The following ZNF662 variants were observed in gnomAD, a reference collection of about 807,000 sequenced individuals.
The protein encoded by ZNF662 is zinc finger protein 662.
In ZNF662, 14 loss-of-function variants were observed where a neutral mutation model predicts 12.4. The observed-to-expected ratio is 1.13, with a 90% CI of 0.75 to 1.77. The LOEUF (loss-of-function observed/expected upper bound fraction) is 1.77. ZNF662 is among the 40% of genes most tolerant of loss of function. The pLI is 0.00. For synonymous variants in ZNF662, 184 were observed against 176.4 expected (o/e 1.04, Z -0.34); for missense variants, 550 against 515.6 (o/e 1.07, Z -0.65).
chr3:42,915,544 CATTTAG>C lies in ZNF662; in HGVS notation c.*191_*196del. 6 of 561,790 alleles carry C rather than the reference CATTTAG, an allele frequency of 1.1e-5. No individual in the cohort carries two copies. In the South Asian group the frequency reaches 1.8e-4, roughly 17 times the overall value. The allele number at this position is 561,790 out of a possible 1,614,324, so 34.8% of individuals were successfully genotyped here. A position where few individuals can be genotyped will look rare whatever the true frequency, so the allele number is the denominator to read the frequency against. On this transcript the variant is annotated 3_prime_UTR_variant, in exon 5 of 5. Transcript: ENST00000440367. ...GTTCTATGATGTTTTAACAAGGCAT[CATTTAG>C]TTGGGCAGCTACTCTGTATCAGGTG... is the stretch of plus-strand genomic sequence containing the variant.
At position 42,919,209 on chromosome 3, in the gene ZNF662, G is replaced by A. The variant is rs752523354; in HGVS notation, c.*3855G>A. 6.6e-5 allele frequency among the ~76,000 whole-genome samples: 10 copies of A among 152,136 alleles called. No homozygotes were observed. The highest frequency in any genetic ancestry group is 9.7e-5 in the African/African-American group (4 of 41,424). ...ATGTGGGCAAAAACTTAAAAACAAC[G>A]AATGAGTCTAAAATCTAATGACAAA... On this transcript the variant is annotated 3_prime_UTR_variant, in exon 5 of 5. Coordinates refer to ENST00000440367, the MANE Select transcript of ZNF662 (RefSeq NM_207404.4).
At chr3:42,908,626 T>C (rs1456392102) in intron 2 of ZNF662, 167 bp from the exon 3 acceptor site, 1 of 1,456,362 alleles carries the variant, frequency 6.9e-7, no homozygotes, top group Non-Finnish European at 9.0e-7. Flanking sequence ...CCTTTGTAAG[T>C]CTCCTGGCCC....
In ZNF662 at chr3:42,917,483, G is replaced by A; in HGVS notation, c.*2129G>A. On this transcript the variant is annotated 3_prime_UTR_variant, in exon 5 of 5. Coordinates refer to ENST00000440367, the MANE Select transcript of ZNF662 (RefSeq NM_207404.4). ...TCAAGCTTCCAGGTGCTACCATATGGAGCCTAAGGATAAAGCCAATACCAA... is the reference window on the plus strand; with the variant it reads ...TCAAGCTTCCAGGTGCTACCATATGAAGCCTAAGGATAAAGCCAATACCAA... 5.7e-6 allele frequency: 4 copies of A among 699,972 alleles called. No individual in the cohort carries two copies. In the East Asian group the frequency reaches 8.1e-5, roughly 14 times the overall value. The allele number at this position is 699,972 out of a possible 1,614,324, so 43.4% of individuals were successfully genotyped here.
chr3:42,914,539 G>T lies in ZNF662; in HGVS notation c.466G>T (p.Glu156Ter). 1 of 1,614,128 alleles carries T rather than the reference G, an allele frequency of 6.2e-7. No homozygotes were observed. Among genetic ancestry groups the T allele is most frequent in the Non-Finnish European group, 8.5e-7 (1 of 1,180,018 alleles). The change falls in exon 5 of 5, where the codon GAA (glutamate) becomes TAA (stop). Residue 156 changes from glutamate (E) to a stop codon, truncating the protein, a stop_gained. Transcript: ENST00000440367. LOFTEE classifies it low-confidence loss of function (END_TRUNC). ...GGAAAGTTCTACAAATGATATTATA[G>T]AAGTGATTGTCAAGGATGAGATGAT... ...RMESSTNDIIEVIVKDEMISV... is the reference protein window; with the variant it reads ...RMESSTNDII
At chr3:42,910,332 G>A (rs190197590) in intron 3 of ZNF662, among the ~76,000 whole-genome samples, 42 of 152,294 alleles carry the variant, frequency 2.8e-4, no homozygotes, top group African/African-American at 9.6e-4. Context: ...GGCTTTAGAG[G>A]GAGACCGTGC....
intron 3 of ZNF662, among the ~76,000 whole-genome samples, chr3:42,912,410 AT>A (rs2088811805): frequency 1.0e-5 from 1 of 98,740 alleles, no homozygotes; most frequent in South Asian, 2.9e-4. Context: ...TATATTATAT[AT>A]TATATATATT....
Position 42,919,286 on chromosome 3 carries a change from T to C in ZNF662, c.*3932T>C, listed in dbSNP as rs186402787. ...CTCCAGTTCTCATTTTTGTTAAAAA[T>C]AAATCATGATAGGACTGAGTTGTTT... On this transcript the variant is annotated 3_prime_UTR_variant, in exon 5 of 5. Transcript: ENST00000440367. Among the ~76,000 whole-genome samples the C allele has an allele frequency of 1.3e-5, 2 of 152,220 alleles. No homozygotes were observed. Among genetic ancestry groups the C allele is most frequent in the African/African-American group, 4.8e-5 (2 of 41,456 alleles).
chr3:42,908,880 A>T lies in ZNF662; in HGVS notation c.122A>T (p.Asp41Val), dbSNP rs752754486. The part of the protein sequence containing the change: ...PWCSVPRGAL[D>V]GEAPRGISSG... ...TGCTCGGTTCCTCGGGGAGCTCTGG[A>T]TGGAGAGGCCCCAAGGGGCATCTCC... Residue 41 changes from aspartate (D) to valine (V), a missense_variant, in exon 3 of 5, where the codon GAT becomes GTT. Asp to Val is a radical substitution (Grantham distance 152). Coordinates refer to ENST00000440367, the MANE Select transcript of ZNF662 (RefSeq NM_207404.4). 5 of 1,613,394 alleles carry T rather than the reference A, an allele frequency of 3.1e-6. No individual in the cohort carries two copies. In the East Asian group the frequency reaches 1.1e-4, roughly 36 times the overall value.
intron 3 of ZNF662, among the ~76,000 whole-genome samples, chr3:42,910,958 A>G (rs2088779358): frequency 6.6e-6 from 1 of 152,178 alleles, no homozygotes; most frequent in Admixed American, 6.5e-5. Flanking sequence ...TTTGATCAGA[A>G]CTACATTCTC....
At position 42,917,429 on chromosome 3, in the gene ZNF662, C is replaced by CTT; in HGVS notation, c.*2083_*2084dup. On this transcript the variant is annotated 3_prime_UTR_variant, in exon 5 of 5. Transcript: ENST00000440367. ...AATGTGAGACCTAGAATTATAGCAA[C>CTT]TTTTTTTTTCTGTTAAAAGGGGAGA... 1.5e-6 allele frequency: 1 copy of CTT among 667,242 alleles called. No homozygotes were observed. The highest frequency in any genetic ancestry group is 2.7e-6 in the Non-Finnish European group (1 of 372,450). The allele number at this position is 667,242 out of a possible 1,614,324, so 41.3% of individuals were successfully genotyped here. A position where few individuals can be genotyped will look rare whatever the true frequency, so the allele number is the denominator to read the frequency against.
rs377231571 is a variant in ZNF662 at position 42,912,693 on chromosome 3, A to ATAT, written c.152-507_152-506insATT. On this transcript the variant is annotated intron_variant, in intron 3 of 4. Coordinates refer to ENST00000440367, the MANE Select transcript of ZNF662 (RefSeq NM_207404.4). ...TTTTTATATATATAAATATATATAT[A>ATAT]TTTTATATATATAAATATATATATA... Among the ~76,000 whole-genome samples the ATAT allele has an allele frequency of 2.6e-4, 14 of 53,100 alleles. 1 individual carries two copies. Among genetic ancestry groups the ATAT allele is most frequent in the Admixed American group, 4.1e-4 (1 of 2,418 alleles). 34.8% of individuals were successfully genotyped at this position (53,100 alleles called of 152,430 possible).
rs1349339828 is a variant in ZNF662, at chr3:42,908,826, C to A, written c.68C>A (p.Ser23Tyr). The A allele has an allele frequency of 3.1e-6, 5 of 1,614,116 alleles. No homozygotes were observed. The highest frequency in any genetic ancestry group is 1.6e-4 in the Middle Eastern group (1 of 6,062). Residue 23 changes from serine to tyrosine, a missense_variant, in exon 3 of 5, where the codon TCC becomes TAC. Ser to Tyr is a moderately radical substitution (Grantham distance 144, BLOSUM62 -2). Transcript: ENST00000440367. The stretch of plus-strand genomic sequence containing the variant: ...CCATTTCCCAAACCGGCTCTGATTT[C>A]CCAGCTGGAGCGAGGGGAAACACCC... Reference protein sequence around the residue: ...AFPFPKPALISQLERGETPWC... With the variant: ...AFPFPKPALIYQLERGETPWC...
At chr3:42,908,431 C>T in intron 2 of ZNF662, 1 of 1,260,146 alleles carries the variant, frequency 7.9e-7, no homozygotes, top group Non-Finnish European at 1.0e-6. Context: ...TCCACTGAGC[C>T]TTCAGTTCCC....
Position 42,914,761 on chromosome 3 carries a change from A to G in ZNF662, c.688A>G (p.Ser230Gly). The G allele has an allele frequency of 1.2e-6, 2 of 1,614,190 alleles. No individual in the cohort carries two copies. Among genetic ancestry groups the G allele is most frequent in the African/African-American group, 1.3e-5 (1 of 75,056 alleles). Residue 230 changes from serine (S) to glycine (G), a missense_variant, in exon 5 of 5, where the codon AGT (serine) becomes GGT (glycine). Physicochemically the swap from Ser to Gly is moderately conservative, Grantham distance 56 (BLOSUM62 0). Transcript: ENST00000440367. Reference sequence around the variant, plus strand: ...ATGTAAGGAATGTGGGAAGGCTTTCAGTTTTCGATCACATTGCATTGCACA... The same window carrying G: ...ATGTAAGGAATGTGGGAAGGCTTTCGGTTTTCGATCACATTGCATTGCACA... Reference protein sequence around the residue: ...YGCKECGKAFSFRSHCIAHQR... With the variant: ...YGCKECGKAFGFRSHCIAHQR...
rs1418483683 is a variant in ZNF662, at chr3:42,918,559, C to T, written c.*3205C>T. ...TCATGGGCATGTTTAGGCAATCCCC[C>T]TGTGCACAATGACCTGGGCAGCATT... On this transcript the variant is annotated 3_prime_UTR_variant, in exon 5 of 5. Transcript: ENST00000440367. 6.6e-6 allele frequency among the ~76,000 whole-genome samples: 1 copy of T among 152,156 alleles called. No homozygotes were observed. The highest frequency in any genetic ancestry group is 1.5e-5 in the Non-Finnish European group (1 of 68,026).
intron 3 of ZNF662, among the ~76,000 whole-genome samples, chr3:42,912,655 T>TATATATATATTTTTTTATATATAA (rs1559381489): frequency 4.3e-5 from 2 of 46,712 alleles, no homozygotes; most frequent in African/African-American, 2.2e-4. Flanking sequence ...TATATATAAA[T>TATATATATATTTTTTTATATATAA]ATATATATAT....
At chr3:42,909,384 A>C (rs898284798) in intron 3 of ZNF662, among the ~76,000 whole-genome samples, 2 of 152,152 alleles carry the variant, frequency 1.3e-5, no homozygotes, top group Non-Finnish European at 2.9e-5. Context: ...GGTTGGGGGT[A>C]AGGTTATAGA....
At position 42,915,758 on chromosome 3, in the gene ZNF662, T is replaced by C. The variant is rs73832405; in HGVS notation, c.*404T>C. 8.6e-3 allele frequency: 1,452 copies of C among 168,154 alleles called. 21 individuals carry two copies. The highest frequency in any genetic ancestry group is 0.031 in the African/African-American group (1,315 of 41,842). 10.4% of individuals were successfully genotyped at this position (168,154 alleles called of 1,614,324 possible). Reference sequence around the variant, plus strand: ...TATCTGACTGCAGAGTTTACTGTTCTTTACTTAATTGTACATATTTATGTC... The same window carrying C: ...TATCTGACTGCAGAGTTTACTGTTCCTTACTTAATTGTACATATTTATGTC... On this transcript the variant is annotated 3_prime_UTR_variant, in exon 5 of 5. Coordinates refer to ENST00000440367, the MANE Select transcript of ZNF662 (RefSeq NM_207404.4).
At chr3:42,907,688 C>A in intron 1 of ZNF662, 1 of 985,368 alleles carries the variant, frequency 1.0e-6, no homozygotes. Context: ...TGGGTGACCT[C>A]TGAAGGAGGA....
Sources: allele counts gnomAD v4.1 joint callset (sites outside exome capture counted in the v4.1 genomes callset), GRCh38; gene constraint gnomAD v4.1.1; transcripts MANE v1.5; gene names NCBI Gene and HGNC (gene_info 2026-07-23, HGNC 2026-07-21).